SCAF4: variants seen among roughly 807,000 people sequenced by gnomAD.
SCAF4 encodes SR-related CTD associated factor 4, also known as SR-related and CTD-associated factor 4.
A neutral mutation model predicts 129.8 loss-of-function variants in SCAF4; 25 were observed. That is an observed-to-expected ratio of 0.19 (90% CI 0.14 to 0.27). The LOEUF (loss-of-function observed/expected upper bound fraction) is 0.27. Ranked by LOEUF, SCAF4 falls within the 10% of genes least tolerant of loss-of-function variation. SCAF4 has a pLI of 1.00. For missense variants in SCAF4, 1,246 were observed against 1,457.1 expected (o/e 0.86, Z 2.36); for synonymous variants, 551 against 497.7 (o/e 1.11, Z -1.43).
chr21:31,685,429 A>T lies in SCAF4; in HGVS notation c.2265T>A (p.Pro755=). The stretch of plus-strand genomic sequence containing the variant: ...GGATGCTTATTGGTGGAGTGTGAGG[A>T]GGAGGAATGGATACTGGTGGAGTTA... The part of the protein sequence containing the change: ...PPITPPVSIP[P]PHTPPISIPN... The change falls in exon 18 of 20, where the codon CCT becomes CCA. Residue 755 remains proline, a synonymous_variant. Coordinates refer to ENST00000286835, the MANE Select transcript of SCAF4 (RefSeq NM_020706.2). 1 of 1,613,376 alleles carries T rather than the reference A, an allele frequency of 6.2e-7. No homozygotes were observed. The highest frequency in any genetic ancestry group is 8.5e-7 in the Non-Finnish European group (1 of 1,179,604).
chr21:31,727,723 G>A (rs1407326917), intron 1 of SCAF4, among the ~76,000 whole-genome samples: 1 of 151,918 alleles, frequency 6.6e-6, no homozygotes, highest in African/African-American at 2.4e-5. Context: ...CCCAGGAGGC[G>A]GAGGCTGCAG....
intron 1 of SCAF4, among the ~76,000 whole-genome samples, chr21:31,726,609 G>A (rs966949074): frequency 6.6e-6 from 1 of 152,206 alleles, no homozygotes; most frequent in Non-Finnish European, 1.5e-5. Flanking sequence ...AGGTTGCAAT[G>A]GGTGGAGTTT....
chr21:31,683,460 C>T (rs2050043040), intron 19 of SCAF4, among the ~76,000 whole-genome samples: 1 of 152,214 alleles, frequency 6.6e-6, no homozygotes, highest in Non-Finnish European at 1.5e-5. Flanking sequence ...AGGCAGGCTA[C>T]TTACTACGCT....
chr21:31,682,009 C>T (rs981673540), intron 19 of SCAF4, among the ~76,000 whole-genome samples: 10 of 152,142 alleles, frequency 6.6e-5, no homozygotes, highest in Admixed American at 3.3e-4. Flanking sequence ...AGTAGGTGTG[C>T]TATTTATCAC....
At chr21:31,697,168 T>C (rs992014241) in intron 7 of SCAF4, among the ~76,000 whole-genome samples, 13 of 151,960 alleles carry the variant, frequency 8.6e-5, no homozygotes, top group Admixed American at 6.5e-5. Flanking sequence ...CCATAATGCA[T>C]ATAGAAAAGT....
chr21:31,702,147 T>G, intron 5 of SCAF4, 97 bp downstream of exon 5: 1 of 1,518,550 alleles, frequency 6.6e-7, no homozygotes. Flanking sequence ...CAAGTTTCCT[T>G]CTTATAGAAA....
rs764979793 is a variant in SCAF4, at chr21:31,693,380, G to C, written c.1427C>G (p.Ser476Cys). 4 of 1,583,112 alleles carry C rather than the reference G, an allele frequency of 2.5e-6. No individual in the cohort carries two copies. In the Admixed American group the frequency reaches 5.1e-5, roughly 20 times the overall value. The change falls in exon 12 of 20, where the codon TCT (serine) becomes TGT (cysteine). Residue 476 changes from serine (S) to cysteine (C), a missense_variant. By Grantham distance (112) the Ser-to-Cys change is moderately radical (BLOSUM62 -1). Around this residue, in one of 6 missense-constraint regions of SCAF4, gnomAD observed 468 missense variants for 605.5 expected, o/e 0.77. Transcript: ENST00000286835. ...SRDRRRHSPRSRSQERRDREK... is the reference protein window; with the variant it reads ...SRDRRRHSPRCRSQERRDREK... ...TCGATCCCGTCTTTCTTGAGATCGA[G>C]ATCGGGGAGAATGTCGGCGTCTATC...
At position 31,691,935 on chromosome 21, in the gene SCAF4, T is replaced by C; in HGVS notation, c.1615-5A>G. 3 of 1,417,410 alleles carry C rather than the reference T, an allele frequency of 2.1e-6. No individual in the cohort carries two copies. The highest frequency in any genetic ancestry group is 2.9e-6 in the Non-Finnish European group (3 of 1,021,012). 87.8% of individuals were successfully genotyped at this position (1,417,410 alleles called of 1,614,324 possible). A position where few individuals can be genotyped will look rare whatever the true frequency, so the allele number is the denominator to read the frequency against. ...ACAACCCCTGGGAGGAATCATCTGC[T>C]CCAAAACATTTTAATATTATAAAAG... is the stretch of plus-strand genomic sequence containing the variant. On this transcript the variant is annotated splice_region_variant and splice_polypyrimidine_tract_variant and intron_variant, in intron 13 of 19. Transcript: ENST00000286835.
At chr21:31,690,222 C>T (rs1433056783) in intron 15 of SCAF4, among the ~76,000 whole-genome samples, 1 of 152,120 alleles carries the variant, frequency 6.6e-6, no homozygotes, top group Non-Finnish European at 1.5e-5. Flanking sequence ...CAGTGGCTCA[C>T]GCCTGTAATG....
At chr21:31,696,339 T>C (rs1189008391) in intron 8 of SCAF4, 118 bp from the exon 9 acceptor site, 3 of 730,214 alleles carry the variant, frequency 4.1e-6, no homozygotes, top group African/African-American at 3.6e-5. Flanking sequence ...ACCATATATT[T>C]ACCTATATAT....
chr21:31,718,973 C>T (rs1450897689), intron 1 of SCAF4, among the ~76,000 whole-genome samples: 6 of 152,128 alleles, frequency 3.9e-5, no homozygotes, highest in Non-Finnish European at 5.9e-5. Flanking sequence ...ACTTATATTT[C>T]TATGTGCAGT....
chr21:31,696,491 T>C (rs2050388803), intron 8 of SCAF4, 78 bp downstream of exon 8: 4 of 1,293,504 alleles, frequency 3.1e-6, no homozygotes, highest in Non-Finnish European at 3.1e-6. Flanking sequence ...ATTGTTGTCA[T>C]TGCTAAATGT....
intron 1 of SCAF4, among the ~76,000 whole-genome samples, chr21:31,728,357 CTACTT>C (rs1468252260): frequency 6.6e-6 from 1 of 152,156 alleles, no homozygotes; most frequent in Non-Finnish European, 1.5e-5. Flanking sequence ...CCTCTAAAGA[CTACTT>C]TACACTAGCT....
chr21:31,681,146 C>A (rs576867887), intron 19 of SCAF4, among the ~76,000 whole-genome samples: 1 of 152,300 alleles, frequency 6.6e-6, no homozygotes, highest in Middle Eastern at 3.4e-3. Context: ...AGTGATCTTA[C>A]AAATACTCAA....
rs543878421 is a variant in SCAF4 at position 31,712,617 on chromosome 21, C to T, written c.31-6260G>A. On this transcript the variant is annotated intron_variant, in intron 1 of 19. Transcript: ENST00000286835. ...GATCTCGGCTCACTGCAACCTCCGCCTCCCCGGTTTAAGTGACTCTCCTGC... is the reference window on the plus strand; with the variant it reads ...GATCTCGGCTCACTGCAACCTCCGCTTCCCCGGTTTAAGTGACTCTCCTGC... Among the ~76,000 whole-genome samples, 5 of 151,154 alleles carry T rather than the reference C, an allele frequency of 3.3e-5. No homozygotes were observed. In the South Asian group the frequency reaches 1.1e-3, roughly 32 times the overall value.
At chr21:31,684,837 C>G in intron 19 of SCAF4, 1 of 549,744 alleles carries the variant, frequency 1.8e-6, no homozygotes, top group Non-Finnish European at 3.3e-6. Flanking sequence ...TTGAGATTCT[C>G]TCTTGGTAAA....
At chr21:31,723,609 G>GTTGT (rs112184778) in intron 1 of SCAF4, among the ~76,000 whole-genome samples, 10,403 of 145,930 alleles carry the variant, frequency 0.071, 898 homozygotes, top group East Asian at 0.36. Flanking sequence ...TGATTTATAT[G>GTTGT]ATGTGTGTGT....
At chr21:31,718,738 T>C (rs2050999031) in intron 1 of SCAF4, among the ~76,000 whole-genome samples, 1 of 152,236 alleles carries the variant, frequency 6.6e-6, no homozygotes, top group Non-Finnish European at 1.5e-5. Context: ...TTTCAAGAGA[T>C]TCCAAACCAG....
intron 1 of SCAF4, among the ~76,000 whole-genome samples, chr21:31,711,596 T>A (rs2050800256): frequency 1.3e-5 from 2 of 152,188 alleles, no homozygotes; most frequent in African/African-American, 4.8e-5. Context: ...TAAAATTCAA[T>A]CTGTAATCAA....
Sources: allele counts gnomAD v4.1 joint callset (sites outside exome capture counted in the v4.1 genomes callset), GRCh38; gene constraint gnomAD v4.1.1; regional missense constraint gnomAD v4.1.1; transcripts MANE v1.5; gene names NCBI Gene and HGNC (gene_info 2026-07-23, HGNC 2026-07-21).